Variants in CHCHD6 observed in about 807,000 individuals in gnomAD.
CHCHD6 encodes MICOS complex subunit MIC25.
A neutral mutation model predicts 32.3 loss-of-function variants in CHCHD6; 28 were observed. The ratio of observed to expected loss-of-function variants is 0.87; its 90% CI spans 0.64 to 1.19. CHCHD6 has a LOEUF of 1.19. CHCHD6 is among the 50% of genes most tolerant of loss of function. The probability of loss-of-function intolerance (pLI) is 0.00; values close to 1 mark genes in which losing one functional copy is unlikely to be tolerated. For synonymous variants in CHCHD6, 122 were observed against 117.5 expected (o/e 1.04, Z -0.25); for missense variants, 333 against 307.0 (o/e 1.08, Z -0.63).
intron 6 of CHCHD6, among the ~76,000 whole-genome samples, chr3:126,953,335 C>G (rs943012218): frequency 6.6e-6 from 1 of 152,186 alleles, no homozygotes; most frequent in Non-Finnish European, 1.5e-5. Context: ...TGAGGCTGGG[C>G]GAGGTCTGAA....
rs531763731 is a variant in CHCHD6, at chr3:126,748,487, T to C, written c.411+15265T>C. Among the ~76,000 whole-genome samples, 5 of 150,776 alleles carry C rather than the reference T, an allele frequency of 3.3e-5. No individual in the cohort carries two copies. In the South Asian group the frequency reaches 1.0e-3, roughly 32 times the overall value. ...GTGGGCGCTGGTAATCTCAGCCACT[T>C]GGGAGGTTGAGATAGGAGACTTGCT... On this transcript the variant is annotated intron_variant, in intron 4 of 7. Coordinates refer to ENST00000290913, the MANE Select transcript of CHCHD6 (RefSeq NM_032343.3).
At chr3:126,858,298 G>A (rs1435685670) in intron 5 of CHCHD6, among the ~76,000 whole-genome samples, 1 of 150,696 alleles carries the variant, frequency 6.6e-6, no homozygotes, top group African/African-American at 2.4e-5. Context: ...GTGGTGGCAG[G>A]GGCGGGGGCG....
chr3:126,813,562 T>A (rs1939750867), intron 4 of CHCHD6, among the ~76,000 whole-genome samples: 1 of 152,180 alleles, frequency 6.6e-6, no homozygotes, highest in South Asian at 2.1e-4. Flanking sequence ...GCTCCTTGAG[T>A]CATCACAAAC....
chr3:126,710,673 T>G lies in CHCHD6; in HGVS notation c.87+6274T>G, dbSNP rs184176975. Among the ~76,000 whole-genome samples, 616 of 152,324 alleles carry G rather than the reference T, an allele frequency of 4.0e-3. 2 individuals carry two copies. The highest frequency in any genetic ancestry group is 7.1e-3 in the Non-Finnish European group (481 of 68,034). Reference sequence around the variant, plus strand: ...CTTCTTAAATGTATTCCCAAGCATTTTATTATTTTTGATGCTATTGTGAAT... The same window carrying G: ...CTTCTTAAATGTATTCCCAAGCATTGTATTATTTTTGATGCTATTGTGAAT... On this transcript the variant is annotated intron_variant, in intron 1 of 7. Coordinates refer to ENST00000290913, the MANE Select transcript of CHCHD6 (RefSeq NM_032343.3).
intron 4 of CHCHD6, among the ~76,000 whole-genome samples, chr3:126,793,979 A>G (rs1391287022): frequency 6.6e-6 from 1 of 152,126 alleles, no homozygotes; most frequent in Non-Finnish European, 1.5e-5. Flanking sequence ...ATTTTCTCCC[A>G]TAGGTAATGT....
chr3:126,909,042 C>G (rs1329911940), intron 5 of CHCHD6, among the ~76,000 whole-genome samples: 1 of 152,216 alleles, frequency 6.6e-6, no homozygotes, highest in South Asian at 2.1e-4. Context: ...TCTTTCTTTG[C>G]TATTAGACAT....
intron 4 of CHCHD6, among the ~76,000 whole-genome samples, chr3:126,804,253 G>A (rs919234483): frequency 2.1e-4 from 32 of 151,886 alleles, no homozygotes; most frequent in Non-Finnish European, 1.5e-4. Context: ...AAAACCCTTC[G>A]AAAAATTAAT....
rs1246620381 is a variant in CHCHD6 at position 126,730,602 on chromosome 3, C to A, written c.238C>A (p.Pro80Thr). 6 of 1,613,888 alleles carry A rather than the reference C, an allele frequency of 3.7e-6. No homozygotes were observed. The highest frequency in any genetic ancestry group is 5.1e-6 in the Non-Finnish European group (6 of 1,179,888). The change falls in exon 3 of 8, where the codon CCC becomes ACC. Residue 80 changes from proline to threonine, a missense_variant. Transcript: ENST00000290913. ...PRSGSSGGQQ[P>T]SGMKEGVKRY... ...GTCGGGGAGCAGTGGTGGCCAGCAG[C>A]CCTCAGGGATGAAGGAGGGTGTCAA...
chr3:126,769,916 CT>C (rs1158214453), intron 4 of CHCHD6, among the ~76,000 whole-genome samples: 2 of 152,098 alleles, frequency 1.3e-5, no homozygotes, highest in Non-Finnish European at 2.9e-5. Flanking sequence ...CTGTAAATTG[CT>C]TTGTGCTGTA....
chr3:126,854,724 A>G (rs1941598425), intron 5 of CHCHD6: 1 of 152,466 alleles, frequency 6.6e-6, no homozygotes, highest in Admixed American at 6.6e-5. Flanking sequence ...TTTAGAACTG[A>G]CAGTAAAAAC....
intron 5 of CHCHD6, among the ~76,000 whole-genome samples, chr3:126,860,842 A>G (rs1301981571): frequency 2.0e-5 from 3 of 152,198 alleles, no homozygotes; most frequent in Non-Finnish European, 2.9e-5. Context: ...AATGTGATCA[A>G]TGAGACAGGA....
rs1232141254 is a variant in CHCHD6 at position 126,704,393 on chromosome 3, T to A, written c.81T>A (p.Gly27=). ...AGGAGCGGGTCCGGGTGCTGCAGGG[T>A]GTCCGGGTGAGCGGCGCCGCCTGGG... The part of the protein sequence containing the change: ...DEEERVRVLQ[G]VRLSENVVNR... The change falls in exon 1 of 8, where the codon GGT becomes GGA. Residue 27 remains glycine, a synonymous_variant. Transcript: ENST00000290913. The A allele has an allele frequency of 1.3e-6, 2 of 1,540,056 alleles. No individual in the cohort carries two copies. The highest frequency in any genetic ancestry group is 1.7e-6 in the Non-Finnish European group (2 of 1,144,886).
chr3:126,927,535 C>T (rs2078342767), intron 6 of CHCHD6, among the ~76,000 whole-genome samples: 1 of 152,184 alleles, frequency 6.6e-6, no homozygotes, highest in South Asian at 2.1e-4. Context: ...CTCAGAGATC[C>T]ATGACTCAAA....
intron 5 of CHCHD6, among the ~76,000 whole-genome samples, chr3:126,858,662 C>T (rs186308987): frequency 2.6e-4 from 40 of 152,344 alleles, no homozygotes; most frequent in African/African-American, 6.3e-4. Context: ...ATAGGCTACT[C>T]GCCTTATGGA....
intron 6 of CHCHD6, among the ~76,000 whole-genome samples, chr3:126,918,791 C>T (rs997163784): frequency 2.0e-5 from 3 of 152,136 alleles, no homozygotes; most frequent in Non-Finnish European, 4.4e-5. Flanking sequence ...TTAACTTGAT[C>T]CTAAGGGCAG....
intron 4 of CHCHD6, among the ~76,000 whole-genome samples, chr3:126,834,600 CAA>C (rs1940778641): frequency 6.6e-6 from 1 of 152,162 alleles, no homozygotes; most frequent in East Asian, 1.9e-4. Context: ...TGGTCTCCGT[CAA>C]GCCAATCTCT....
intron 4 of CHCHD6, among the ~76,000 whole-genome samples, chr3:126,781,180 A>G (rs2107681104): frequency 6.6e-6 from 1 of 152,310 alleles, no homozygotes; most frequent in South Asian, 2.1e-4. Flanking sequence ...CTCCACTGGC[A>G]TGAAGGAAGG....
At chr3:126,897,769 C>G (rs1475534177) in intron 5 of CHCHD6, among the ~76,000 whole-genome samples, 2 of 152,230 alleles carry the variant, frequency 1.3e-5, no homozygotes, top group Non-Finnish European at 2.9e-5. Flanking sequence ...CCCCTAGGCC[C>G]TTTGGCTCCC....
chr3:126,846,131 A>G (rs2107549092), intron 4 of CHCHD6, among the ~76,000 whole-genome samples: 1 of 152,070 alleles, frequency 6.6e-6, no homozygotes, highest in African/African-American at 2.4e-5. Flanking sequence ...AAAAGGTTGG[A>G]CCTCCTTCAA....
Sources: allele counts gnomAD v4.1 joint callset (sites outside exome capture counted in the v4.1 genomes callset), GRCh38; gene constraint gnomAD v4.1.1; transcripts MANE v1.5; gene names NCBI Gene and HGNC (gene_info 2026-07-23, HGNC 2026-07-21).